COL5A1: variants seen among roughly 807,000 people sequenced by gnomAD.
The protein encoded by COL5A1 is collagen type V alpha 1 chain, also known as collagen alpha-1(V) chain.
A neutral mutation model predicts 263.7 loss-of-function variants in COL5A1; 16 were observed. That is an observed-to-expected ratio of 0.06 (90% CI 0.04 to 0.09). COL5A1 has a LOEUF of 0.09. COL5A1 is among the 10% of genes least tolerant of loss of function. The pLI is 1.00. For missense variants in COL5A1, 2,036 were observed against 2,540.5 expected, an observed-to-expected ratio of 0.80 and a Z score of 4.27; for synonymous variants, 1,012 against 1,004.5, an observed-to-expected ratio of 1.01 and a Z score of -0.14.
intron 4 of COL5A1, among the ~76,000 whole-genome samples, chr9:134,723,969 C>T (rs530479077): frequency 6.6e-6 from 1 of 152,290 alleles, no homozygotes; most frequent in South Asian, 2.1e-4. Context: ...ACCCCACTCT[C>T]TTCCCCTTTT....
At chr9:134,729,760 A>G (rs9409990) in intron 6 of COL5A1, among the ~76,000 whole-genome samples, 2,623 of 12,246 alleles carry the variant, frequency 0.21, 680 homozygotes, top group Admixed American at 0.42. Flanking sequence ...GCGTGTGTGC[A>G]TGCGGGCACG....
chr9:134,823,305 T>G lies in COL5A1; in HGVS notation c.4645-111T>G, dbSNP rs3124936. ...CCATTCTCTTCTCTGCTGTGGCTGA[T>G]AGGGCCACCTCCCCCACATAGGTCT... On this transcript the variant is annotated intron_variant, in intron 60 of 65. Transcript: ENST00000371817. 1,039,401 of 1,240,160 alleles carry G rather than the reference T, an allele frequency of 0.84. 437,019 individuals carry two copies. The highest frequency in any genetic ancestry group is 0.94 in the African/African-American group (63,661 of 67,720). The allele number at this position is 1,240,160 out of a possible 1,614,324, so 76.8% of individuals were successfully genotyped here.
intron 1 of COL5A1, among the ~76,000 whole-genome samples, chr9:134,645,977 T>C (rs781131400): frequency 4.0e-5 from 6 of 151,868 alleles, no homozygotes; most frequent in African/African-American, 1.5e-4. Context: ...CCTCCCTCTC[T>C]TCCTCCCTCC....
At chr9:134,770,943 A>G (rs1432231617) in intron 25 of COL5A1, among the ~76,000 whole-genome samples, 5 of 152,170 alleles carry the variant, frequency 3.3e-5, no homozygotes, top group Admixed American at 6.5e-5. Context: ...CTCATTCTCT[A>G]TCTGTAACTG....
At chr9:134,713,062 C>T (rs1021823164) in intron 4 of COL5A1, among the ~76,000 whole-genome samples, 1 of 152,246 alleles carries the variant, frequency 6.6e-6, no homozygotes, top group African/African-American at 2.4e-5. Context: ...CCGTCCATGC[C>T]TCTGGGAGGC....
At chr9:134,689,090 T>C (rs902079433) in intron 1 of COL5A1, among the ~76,000 whole-genome samples, 2 of 151,812 alleles carry the variant, frequency 1.3e-5, no homozygotes, top group Admixed American at 6.6e-5. Flanking sequence ...GGAGACAGAG[T>C]CCTCCGTCTG....
In COL5A1 at chr9:134,758,135, G is replaced by C. The variant is rs1054984023; in HGVS notation, c.1882-108G>C. 1 of 1,096,200 alleles carries C rather than the reference G, an allele frequency of 9.1e-7. No individual in the cohort carries two copies. The highest frequency in any genetic ancestry group is 2.4e-5 in the East Asian group (1 of 42,392). The allele number at this position is 1,096,200 out of a possible 1,614,324, so 67.9% of individuals were successfully genotyped here. A position where few individuals can be genotyped will look rare whatever the true frequency, so the allele number is the denominator to read the frequency against. ...ATGGGGTTCAGGGTGCATAGATGCT[G>C]TGTGAAACGTGGTCCAAGGCGGGGC... On this transcript the variant is annotated intron_variant, in intron 17 of 65. Transcript: ENST00000371817. The surrounding 1 kb of genome is among the most constrained non-coding windows in gnomAD (Gnocchi z 4.1).
At chr9:134,653,132 C>T (rs978431774) in intron 1 of COL5A1, 5 of 164,342 alleles carry the variant, frequency 3.0e-5, no homozygotes, top group East Asian at 1.8e-4. Flanking sequence ...TTATGGTGGT[C>T]CCCGCTTCAC....
rs200540478 is a variant in COL5A1, at chr9:134,678,774, C to T, written c.110-12138C>T. On this transcript the variant is annotated intron_variant, in intron 1 of 65. Transcript: ENST00000371817. The surrounding 1 kb of genome is among the most constrained non-coding windows in gnomAD (Gnocchi z 5.5). ...GCCCTCGCTGGAGGAACGGGTGGGC[C>T]GGGCCCTGGGTGAAGGGGCTGGAGC... 6.6e-6 allele frequency among the ~76,000 whole-genome samples: 1 copy of T among 152,194 alleles called. No individual in the cohort carries two copies. The highest frequency in any genetic ancestry group is 2.4e-5 in the African/African-American group (1 of 41,452).
At chr9:134,753,784 C>T in intron 14 of COL5A1, 66 bp from the exon 15 acceptor site, 1 of 1,076,328 alleles carries the variant, frequency 9.3e-7, no homozygotes, top group Non-Finnish European at 1.4e-6. Context: ...CCTGCCACCC[C>T]CAGCCCTTCC....
At chr9:134,654,458 G>C (rs1450124928) in intron 1 of COL5A1, among the ~76,000 whole-genome samples, 1 of 116,932 alleles carries the variant, frequency 8.6e-6, no homozygotes. Context: ...GCTGGTGTGT[G>C]TAGGGCTGGA....
rs1831505572 is a variant in COL5A1 at position 134,647,290 on chromosome 9, G to A, written c.109+4994G>A. Among the ~76,000 whole-genome samples the A allele has an allele frequency of 6.6e-6, 1 of 152,144 alleles. No individual in the cohort carries two copies. The highest frequency in any genetic ancestry group is 6.5e-5 in the Admixed American group (1 of 15,270). ...ACCTCATGGGGTCATTGTCCAGGCC[G>A]TGGGGTGTGATGCATGTGAAAAGCT... On this transcript the variant is annotated intron_variant, in intron 1 of 65. Transcript: ENST00000371817. This position sits in a 1 kb window ranked among gnomAD's most constrained non-coding sequence, Gnocchi z 5.0.
At chr9:134,689,110 C>G (rs1346892002) in intron 1 of COL5A1, among the ~76,000 whole-genome samples, 1 of 152,186 alleles carries the variant, frequency 6.6e-6, no homozygotes, top group Non-Finnish European at 1.5e-5. Context: ...GGGTGCTCCT[C>G]TTGCTGAGGG....
chr9:134,703,798 C>T (rs1346152319), intron 4 of COL5A1, among the ~76,000 whole-genome samples: 1 of 151,958 alleles, frequency 6.6e-6, no homozygotes, highest in Non-Finnish European at 1.5e-5. Context: ...CCACCACACC[C>T]AGCTAATTTT....
intron 63 of COL5A1, among the ~76,000 whole-genome samples, chr9:134,827,664 AG>A (rs1332927275): frequency 6.6e-6 from 1 of 152,186 alleles, no homozygotes; most frequent in Non-Finnish European, 1.5e-5. Flanking sequence ...GAGCGACCCC[AG>A]GCTCCCCCAG....
In COL5A1 at chr9:134,842,111, C is replaced by T. The variant is rs73664167; in HGVS notation, c.5371-46C>T. 1.0e-3 allele frequency: 1,622 copies of T among 1,611,180 alleles called. 5 individuals carry two copies. The African/African-American group carries it at 0.019, about 19-fold the overall frequency. On this transcript the variant is annotated intron_variant, in intron 65 of 65. Coordinates refer to ENST00000371817, the MANE Select transcript of COL5A1 (RefSeq NM_000093.5). The surrounding 1 kb of genome is among the most constrained non-coding windows in gnomAD (Gnocchi z 5.8). Reference sequence around the variant, plus strand: ...GGGGGTGATTGGTAAACCCCAAGACCCCCAACTGTTCTTAACCACCGGCCA... The same window carrying T: ...GGGGGTGATTGGTAAACCCCAAGACTCCCAACTGTTCTTAACCACCGGCCA...
At position 134,812,772 on chromosome 9, in the gene COL5A1, GTC is replaced by G. The variant is rs112541886; in HGVS notation, c.3852+62_3852+63del. The G allele has an allele frequency of 0.025, 17,138 of 676,932 alleles. 133 individuals carry two copies. The highest frequency in any genetic ancestry group is 0.1 in the African/African-American group (2,695 of 26,926). The allele number at this position is 676,932 out of a possible 1,614,324, so 41.9% of individuals were successfully genotyped here. On this transcript the variant is annotated intron_variant, in intron 48 of 65. Transcript: ENST00000371817. ...GGTTGTTTGAGGAGTGTGTGTGTGT[GTC>G]TGTGTGTGTGTGTCTGTGTGTATGT...
At chr9:134,771,918 T>C (rs1265854599) in intron 25 of COL5A1, among the ~76,000 whole-genome samples, 1 of 152,220 alleles carries the variant, frequency 6.6e-6, no homozygotes, top group Non-Finnish European at 1.5e-5. Flanking sequence ...TCCTGGAAGT[T>C]TGGCTCACCG....
At chr9:134,695,608 C>G (rs1330255762) in intron 2 of COL5A1, among the ~76,000 whole-genome samples, 2 of 152,162 alleles carry the variant, frequency 1.3e-5, no homozygotes, top group African/African-American at 4.8e-5. Flanking sequence ...CCTGTACCCC[C>G]ATAGAGCAGG....
Sources: gnomAD v4.1 joint callset for allele counts (sites outside exome capture counted in the v4.1 genomes callset) on GRCh38, gnomAD v4.1.1 for gene constraint, Gnocchi (gnomAD v3.1) non-coding constraint, MANE v1.5 for transcripts, NCBI Gene and HGNC (gene_info 2026-07-23, HGNC 2026-07-21) for gene names.